Variants in CCSER1 observed in about 807,000 individuals in gnomAD.
CCSER1 encodes the protein serine-rich coiled-coil domain-containing protein 1.
A neutral mutation model predicts 82.0 loss-of-function variants in CCSER1; 41 were observed. The ratio of observed to expected loss-of-function variants is 0.50; its 90% CI spans 0.39 to 0.65. The LOEUF is 0.65. Among genes scored for constraint, CCSER1 ranks in the 30% least tolerant of loss-of-function variants. CCSER1 has a pLI of 0.00. For synonymous variants in CCSER1, 414 were observed against 383.9 expected, an observed-to-expected ratio of 1.08 and a Z score of -0.92; for missense variants, 1,119 against 1,064.2, an observed-to-expected ratio of 1.05 and a Z score of -0.72.
chr4:90,930,285 A>G (rs1729571063), intron 9 of CCSER1, among the ~76,000 whole-genome samples: 1 of 152,068 alleles, frequency 6.6e-6, no homozygotes, highest in Non-Finnish European at 1.5e-5. Context: ...TAGAGTATCT[A>G]GTGTACTAAG....
chr4:91,109,776 TA>T (rs1395007921), intron 10 of CCSER1, among the ~76,000 whole-genome samples: 1 of 152,144 alleles, frequency 6.6e-6, no homozygotes, highest in African/African-American at 2.4e-5. Context: ...ATAAATGTTT[TA>T]ATGTAGAACT....
intron 10 of CCSER1, among the ~76,000 whole-genome samples, chr4:91,515,272 T>C (rs188733985): frequency 3.3e-4 from 50 of 152,190 alleles, no homozygotes; most frequent in Non-Finnish European, 1.0e-4. Context: ...AGTCAAGTCA[T>C]GGGGGATTGG....
chr4:91,429,910 ATATT>A (rs1754196094), intron 10 of CCSER1, among the ~76,000 whole-genome samples: 1 of 151,906 alleles, frequency 6.6e-6, no homozygotes, highest in Non-Finnish European at 1.5e-5. Context: ...AAAACTATCT[ATATT>A]AAACAGACTA....
At chr4:90,706,605 A>G (rs546984773) in intron 6 of CCSER1, among the ~76,000 whole-genome samples, 6 of 152,328 alleles carry the variant, frequency 3.9e-5, no homozygotes, top group East Asian at 1.9e-4. Flanking sequence ...GGTGAATACT[A>G]CAGGTTTTCT....
chr4:91,271,358 A>G (rs958524214), intron 10 of CCSER1, among the ~76,000 whole-genome samples: 28 of 152,062 alleles, frequency 1.8e-4, no homozygotes, highest in African/African-American at 6.5e-4. Flanking sequence ...ATTTTGGTGC[A>G]TTCATCACCC....
chr4:91,442,417 A>G (rs371013047), intron 10 of CCSER1, among the ~76,000 whole-genome samples: 15,367 of 148,536 alleles, frequency 0.1, 841 homozygotes, highest in Non-Finnish European at 0.11. Context: ...CTGGCTAGCC[A>G]TATGTAGAAA....
At chr4:91,469,269 C>T (rs1051298553) in intron 10 of CCSER1, among the ~76,000 whole-genome samples, 3 of 152,068 alleles carry the variant, frequency 2.0e-5, no homozygotes, top group Admixed American at 1.3e-4. Flanking sequence ...TTCTGGCCTG[C>T]TATGATATAA....
chr4:90,458,394 C>T (rs1378499235), intron 4 of CCSER1, among the ~76,000 whole-genome samples: 1 of 151,932 alleles, frequency 6.6e-6, no homozygotes, highest in African/African-American at 2.4e-5. Context: ...TGCTCTGTTG[C>T]CCAGGCTGGG....
chr4:90,333,136 C>T (rs990814639), intron 3 of CCSER1, among the ~76,000 whole-genome samples: 2 of 152,080 alleles, frequency 1.3e-5, no homozygotes, highest in African/African-American at 4.8e-5. Context: ...TGGATCATGT[C>T]AGGGGGTGCA....
chr4:90,474,182 G>A (rs190006693), intron 5 of CCSER1, among the ~76,000 whole-genome samples: 1 of 151,510 alleles, frequency 6.6e-6, no homozygotes, highest in Admixed American at 6.6e-5. Flanking sequence ...TGGCTATAAT[G>A]TAGATGTGTA....
intron 8 of CCSER1, among the ~76,000 whole-genome samples, chr4:90,867,850 A>G (rs1479793592): frequency 6.6e-6 from 1 of 151,842 alleles, no homozygotes; most frequent in Admixed American, 6.6e-5. Flanking sequence ...CTCCAGTTCC[A>G]TTCATGTTGT....
intron 6 of CCSER1, among the ~76,000 whole-genome samples, chr4:90,702,089 A>C (rs998863962): frequency 6.6e-5 from 10 of 152,282 alleles, no homozygotes; most frequent in Non-Finnish European, 1.3e-4. Context: ...TTGCCCATTC[A>C]GTATGATATT....
At chr4:91,524,324 T>A (rs1431814363) in intron 10 of CCSER1, among the ~76,000 whole-genome samples, 1 of 152,204 alleles carries the variant, frequency 6.6e-6, no homozygotes, top group Non-Finnish European at 1.5e-5. Flanking sequence ...TTTTTATGAA[T>A]GCTGTAAGTT....
intron 10 of CCSER1, among the ~76,000 whole-genome samples, chr4:91,211,584 A>T (rs1171395552): frequency 6.6e-6 from 1 of 152,102 alleles, no homozygotes. Flanking sequence ...TACAGTTTAC[A>T]TTCTGTCAGT....
At chr4:90,214,692 T>A (rs1204237889) in intron 1 of CCSER1, among the ~76,000 whole-genome samples, 1 of 152,138 alleles carries the variant, frequency 6.6e-6, no homozygotes, top group East Asian at 1.9e-4. Flanking sequence ...CAGTCCTAGA[T>A]GAGAGTAAAT....
chr4:90,249,324 A>G (rs1721966896), intron 1 of CCSER1, among the ~76,000 whole-genome samples: 1 of 152,180 alleles, frequency 6.6e-6, no homozygotes, highest in Non-Finnish European at 1.5e-5. Context: ...CAAATTGCTT[A>G]TTAATAGTTT....
At chr4:90,162,053 G>T (rs533400232) in intron 1 of CCSER1, among the ~76,000 whole-genome samples, 1 of 152,208 alleles carries the variant, frequency 6.6e-6, no homozygotes, top group East Asian at 1.9e-4. Context: ...AAAAGCTATG[G>T]TATTTTGGAA....
intron 10 of CCSER1, among the ~76,000 whole-genome samples, chr4:91,509,781 G>C (rs1759722119): frequency 6.6e-6 from 1 of 151,972 alleles, no homozygotes; most frequent in African/African-American, 2.4e-5. Context: ...GGATTCTCTA[G>C]AGAAACATAA....
chr4:90,537,083 G>T (rs1579034283), intron 5 of CCSER1, among the ~76,000 whole-genome samples: 1 of 152,176 alleles, frequency 6.6e-6, no homozygotes, highest in South Asian at 2.1e-4. Flanking sequence ...GTTTTAATAG[G>T]ATATGTTTCA....
Sources: gnomAD v4.1 joint callset for allele counts (sites outside exome capture counted in the v4.1 genomes callset) on GRCh38, gnomAD v4.1.1 for gene constraint, MANE v1.5 for transcripts, NCBI Gene and HGNC (gene_info 2026-07-23, HGNC 2026-07-21) for gene names.